Variants in PLXNB2 observed in about 807,000 individuals in gnomAD.
The protein encoded by PLXNB2 is plexin B2, also known as plexin-B2.
PLXNB2 carries 85 observed loss-of-function variants against 202.6 expected under a neutral mutation model. The observed-to-expected ratio is 0.42, with a 90% CI of 0.35 to 0.50. The LOEUF (loss-of-function observed/expected upper bound fraction) is 0.50. PLXNB2 is among the 20% of genes least tolerant of loss of function. The pLI, the probability that PLXNB2 is intolerant of heterozygous loss-of-function variation, is 0.02. For missense variants in PLXNB2, 2,063 were observed against 2,586.2 expected (o/e 0.80, Z 4.39); for synonymous variants, 1,239 against 1,137.6 (o/e 1.09, Z -1.79).
chr22:50,278,087 G>T, intron 31 of PLXNB2, 30 bp downstream of exon 31: 1 of 1,601,998 alleles, frequency 6.2e-7, no homozygotes, highest in Non-Finnish European at 8.5e-7. Flanking sequence ...GTGGCGGCCT[G>T]GTGCCGCCCA....
At chr22:50,305,465 G>A (rs2067851471) in intron 1 of PLXNB2, among the ~76,000 whole-genome samples, 1 of 152,226 alleles carries the variant, frequency 6.6e-6, no homozygotes, top group Non-Finnish European at 1.5e-5. Flanking sequence ...CATCGCAGAT[G>A]ACTCCTCACA....
Position 50,275,284 on chromosome 22 carries a change from A to G in PLXNB2, c.*420T>C. On this transcript the variant is annotated 3_prime_UTR_variant, in exon 37 of 37. Transcript: ENST00000359337. ...TCCTCCCATCTCGTGGTGGACAGAC[A>G]GACATAGGATCTGGGAACTTGCCCT... The G allele has an allele frequency of 2.4e-6, 1 of 414,032 alleles. No individual in the cohort carries two copies. The highest frequency in any genetic ancestry group is 4.8e-6 in the Non-Finnish European group (1 of 206,832). The allele number at this position is 414,032 out of a possible 1,614,324, so 25.6% of individuals were successfully genotyped here.
Position 50,275,548 on chromosome 22 carries a change from C to T in PLXNB2, c.*156G>A, listed in dbSNP as rs2065484896. ...ATTGCTCAGAGGAAGATGCTACAGT[C>T]TAGACGCTGGGCGGGTTCCGGCTGC... On this transcript the variant is annotated 3_prime_UTR_variant, in exon 37 of 37. Coordinates refer to ENST00000359337, the MANE Select transcript of PLXNB2 (RefSeq NM_012401.4). 1 of 652,100 alleles carries T rather than the reference C, an allele frequency of 1.5e-6. No homozygotes were observed. The highest frequency in any genetic ancestry group is 2.7e-5 in the East Asian group (1 of 36,484). 40.4% of individuals were successfully genotyped at this position (652,100 alleles called of 1,614,324 possible). A position where few individuals can be genotyped will look rare whatever the true frequency, so the allele number is the denominator to read the frequency against.
At position 50,288,398 on chromosome 22, in the gene PLXNB2, C is replaced by CTG. The variant is rs1461215280; in HGVS notation, c.1380+343_1380+344dup. Among the ~76,000 whole-genome samples the CTG allele has an allele frequency of 2.6e-5, 4 of 152,278 alleles. No individual in the cohort carries two copies. The East Asian group carries it at 7.7e-4, about 29-fold the overall frequency. ...TCTCCACTGACTGAGCTCACATGGG[C>CTG]TGTGCAGGGACCCCGTCTTCCCATC... On this transcript the variant is annotated intron_variant, in intron 5 of 36. Coordinates refer to ENST00000359337, the MANE Select transcript of PLXNB2 (RefSeq NM_012401.4). The surrounding 1 kb of genome is among the most constrained non-coding windows in gnomAD (Gnocchi z 5.0).
rs1601727170 is a variant in PLXNB2 at position 50,289,441 on chromosome 22, C to A, written c.1068+76G>T. ...CCACACTGCTCACGTGCACCCTCCCCAGCAGGCTGGGACACGCAAACCCAC... is the reference window on the plus strand; with the variant it reads ...CCACACTGCTCACGTGCACCCTCCCAAGCAGGCTGGGACACGCAAACCCAC... On this transcript the variant is annotated intron_variant, in intron 3 of 36. Coordinates refer to ENST00000359337, the MANE Select transcript of PLXNB2 (RefSeq NM_012401.4). This position sits in a 1 kb window ranked among gnomAD's most constrained non-coding sequence, Gnocchi z 8.0. 4.7e-6 allele frequency: 7 copies of A among 1,479,342 alleles called. No homozygotes were observed. The East Asian group carries it at 1.7e-4, about 37-fold the overall frequency. 91.6% of individuals were successfully genotyped at this position (1,479,342 alleles called of 1,614,324 possible). A position where few individuals can be genotyped will look rare whatever the true frequency, so the allele number is the denominator to read the frequency against.
Position 50,284,563 on chromosome 22 carries a change from G to A in PLXNB2, c.2181+10C>T. 2 of 1,602,826 alleles carry A rather than the reference G, an allele frequency of 1.2e-6. No individual in the cohort carries two copies. Among genetic ancestry groups the A allele is most frequent in the Non-Finnish European group, 1.7e-6 (2 of 1,174,060 alleles). ...TCCAGCAGCCGAGCCGGCCTGCCCT[G>A]GAGCCGTACCTTTGGGGTCCGAAAG... On this transcript the variant is annotated intron_variant, in intron 12 of 36. Transcript: ENST00000359337. This position sits in a 1 kb window ranked among gnomAD's most constrained non-coding sequence, Gnocchi z 8.0.
At chr22:50,280,714 G>GGGCGGCC in intron 24 of PLXNB2, 30 bp downstream of exon 24, 1 of 1,528,950 alleles carries the variant, frequency 6.5e-7, no homozygotes, top group Non-Finnish European at 8.9e-7. Context: ...CCACCTGTGT[G>GGGCGGCC]CCCTCCCGCC....
Position 50,289,228 on chromosome 22 carries a change from C to T in PLXNB2, c.1069-86G>A, listed in dbSNP as rs1336315671. ...CGCGCTCCAAGACTCGGGACAGGCC[C>T]TTCCCTTCCCTCCGGCACACGTCCT... is the stretch of plus-strand genomic sequence containing the variant. On this transcript the variant is annotated intron_variant, in intron 3 of 36. Coordinates refer to ENST00000359337, the MANE Select transcript of PLXNB2 (RefSeq NM_012401.4). The surrounding 1 kb of genome is among the most constrained non-coding windows in gnomAD (Gnocchi z 8.0). The T allele has an allele frequency of 9.0e-6, 11 of 1,228,058 alleles. No individual in the cohort carries two copies. In the East Asian group the frequency reaches 2.3e-4, roughly 26 times the overall value. The allele number at this position is 1,228,058 out of a possible 1,614,324, so 76.1% of individuals were successfully genotyped here. A position where few individuals can be genotyped will look rare whatever the true frequency, so the allele number is the denominator to read the frequency against.
In PLXNB2 at chr22:50,288,671, T is replaced by C. The variant is rs2066644044; in HGVS notation, c.1380+72A>G. 1 of 1,587,244 alleles carries C rather than the reference T, an allele frequency of 6.3e-7. No individual in the cohort carries two copies. On this transcript the variant is annotated intron_variant, in intron 5 of 36. Transcript: ENST00000359337. The surrounding 1 kb of genome is among the most constrained non-coding windows in gnomAD (Gnocchi z 5.0). ...CATCCTCCTCTGGCCCCCAGGCCTG[T>C]CCTAAGGGCCTGGGATGCAATGACC...
intron 32 of PLXNB2, 30 bp from the exon 33 acceptor site, chr22:50,277,768 G>C (rs377706380): frequency 1.9e-6 from 3 of 1,586,522 alleles, no homozygotes; most frequent in African/African-American, 1.3e-5. Context: ...AATGAGAGCC[G>C]GGGCTGGGCC....
rs375392362 is a variant in PLXNB2, at chr22:50,275,779, G to A, written c.5442C>T (p.Ala1814=). The change falls in exon 37 of 37, where the codon GCC becomes GCT. Residue 1814 remains alanine, a synonymous_variant. Coordinates refer to ENST00000359337, the MANE Select transcript of PLXNB2 (RefSeq NM_012401.4). ...EIINALEEDP[A]AQKMQLAFRL... ...GGAAGGCCAGCTGCATCTTCTGGGC[G>A]GCAGGATCCTCCTCCAAGGCATTGA... The A allele has an allele frequency of 1.4e-4, 230 of 1,612,412 alleles. No homozygotes were observed. Among genetic ancestry groups the A allele is most frequent in the Non-Finnish European group, 1.8e-4 (208 of 1,179,736 alleles).
chr22:50,290,017 G>T lies in PLXNB2; in HGVS notation c.568C>A (p.Arg190=). 1.2e-6 allele frequency: 2 copies of T among 1,613,392 alleles called. No homozygotes were observed. The highest frequency in any genetic ancestry group is 1.7e-6 in the Non-Finnish European group (2 of 1,180,018). Residue 190 remains arginine (R), a synonymous_variant, in exon 3 of 37, where the codon CGG becomes AGG. Coordinates refer to ENST00000359337, the MANE Select transcript of PLXNB2 (RefSeq NM_012401.4). ...TCAAAGGCCTCCCTGCTGTCAGTCC[G>T]GTCCAACAGCCGAGTGCTCACGATG... The part of the protein sequence containing the change: ...GIIVSTRLLD[R]TDSREAFEAY...
In PLXNB2 at chr22:50,281,340, C is replaced by T. The variant is rs772242096; in HGVS notation, c.3662+20G>A. 11 of 1,610,560 alleles carry T rather than the reference C, an allele frequency of 6.8e-6. No individual in the cohort carries two copies. The Admixed American group carries it at 8.4e-5, about 12-fold the overall frequency. Reference sequence around the variant, plus strand: ...GGGCCGAGGGCTCAGGGTGTTGGCACAGCCGGGGGGCGGGCTCACCAGTAG... The same window carrying T: ...GGGCCGAGGGCTCAGGGTGTTGGCATAGCCGGGGGGCGGGCTCACCAGTAG... On this transcript the variant is annotated intron_variant, in intron 22 of 36. Coordinates refer to ENST00000359337, the MANE Select transcript of PLXNB2 (RefSeq NM_012401.4).
At chr22:50,280,360 A>C in intron 25 of PLXNB2, 129 bp downstream of exon 25, 2 of 854,138 alleles carry the variant, frequency 2.3e-6, no homozygotes, top group African/African-American at 1.8e-5. Context: ...ACCGCCCCCC[A>C]CCACCAGCGC....
Position 50,289,967 on chromosome 22 carries a change from G to T in PLXNB2, c.618C>A (p.Tyr206Ter), listed in dbSNP as rs780711806. The change falls in exon 3 of 37, where the codon TAC becomes TAA. Residue 206 changes from tyrosine (Y) to a stop codon, truncating the protein, a stop_gained. Coordinates refer to ENST00000359337, the MANE Select transcript of PLXNB2 (RefSeq NM_012401.4). LOFTEE classifies it high-confidence loss of function. This position sits in a 1 kb window ranked among gnomAD's most constrained non-coding sequence, Gnocchi z 8.0. ...AFEAYTDHAT[Y>*]KAGYLSTNTQ... ...TGTTGGTGGACAGGTAGCCGGCCTT[G>T]TAGGTGGCGTGGTCCGTGTAGGCTT... 3.1e-6 allele frequency: 5 copies of T among 1,613,348 alleles called. No homozygotes were observed. The Admixed American group carries it at 8.3e-5, about 27-fold the overall frequency.
In PLXNB2 at chr22:50,276,886, C is replaced by A; in HGVS notation, c.5217G>T (p.Leu1739=). The A allele has an allele frequency of 2.5e-6, 4 of 1,602,552 alleles. No homozygotes were observed. Among genetic ancestry groups the A allele is most frequent in the Non-Finnish European group, 3.4e-6 (4 of 1,174,500 alleles). The change falls in exon 34 of 37, where the codon CTG becomes CTT. Residue 1739 remains leucine (L), a synonymous_variant. Coordinates refer to ENST00000359337, the MANE Select transcript of PLXNB2 (RefSeq NM_012401.4). ...KLSRDSPSNK[L]LYAKEISTYK... is the part of the protein sequence containing the mutation. ...AGGTGGAGATCTCCTTGGCGTACAG[C>A]AGCTTGTTGCTGGGAGAATCCTGTT...
At chr22:50,299,264 T>C (rs962574152) in intron 1 of PLXNB2, among the ~76,000 whole-genome samples, 1 of 119,842 alleles carries the variant, frequency 8.3e-6, no homozygotes, top group Non-Finnish European at 1.6e-5. Context: ...CCTCCAGGGC[T>C]CAAAGGATTG....
In PLXNB2 at chr22:50,277,818, C is replaced by T. The variant is rs376730676; in HGVS notation, c.5048+35G>A. Reference sequence around the variant, plus strand: ...GAGCCTCCCAAGTGAGAGGCGGAGCCGGGGCTGGGCCGCGGGGTGGGTGTG... The same window carrying T: ...GAGCCTCCCAAGTGAGAGGCGGAGCTGGGGCTGGGCCGCGGGGTGGGTGTG... On this transcript the variant is annotated intron_variant, in intron 32 of 36. Transcript: ENST00000359337. 21 of 1,605,744 alleles carry T rather than the reference C, an allele frequency of 1.3e-5. No homozygotes were observed. The African/African-American group carries it at 2.0e-4, about 15-fold the overall frequency.
At chr22:50,300,621 G>T (rs2147704311) in intron 1 of PLXNB2, among the ~76,000 whole-genome samples, 1 of 152,356 alleles carries the variant, frequency 6.6e-6, no homozygotes, top group Non-Finnish European at 1.5e-5. Flanking sequence ...GTCTACAGCG[G>T]TCCCCGCTGG....
Sources: allele counts gnomAD v4.1 joint callset (sites outside exome capture counted in the v4.1 genomes callset), GRCh38; gene constraint gnomAD v4.1.1; non-coding constraint Gnocchi (gnomAD v3.1); transcripts MANE v1.5; gene names NCBI Gene and HGNC (gene_info 2026-07-23, HGNC 2026-07-21).